Variants in SKAP2 observed in about 807,000 individuals in gnomAD.
SKAP2 encodes the protein src kinase associated phosphoprotein 2.
A neutral mutation model predicts 54.9 loss-of-function variants in SKAP2; 28 were observed. That is an observed-to-expected ratio of 0.51 (90% CI 0.38 to 0.70). The LOEUF (loss-of-function observed/expected upper bound fraction) is 0.70. Among genes scored for constraint, SKAP2 ranks in the 30% least tolerant of loss-of-function variants. SKAP2 has a pLI of 0.00. For missense variants in SKAP2, 356 were observed against 424.1 expected (o/e 0.84, Z 1.41); for synonymous variants, 137 against 134.3 (o/e 1.02, Z -0.14).
intron 6 of SKAP2, among the ~76,000 whole-genome samples, chr7:26,732,111 C>G (rs960333954): frequency 4.6e-5 from 7 of 152,166 alleles, no homozygotes; most frequent in African/African-American, 1.4e-4. Context: ...GCTTAGTTTT[C>G]CATCACAGAA....
chr7:26,713,700 C>T (rs181427612), intron 9 of SKAP2, among the ~76,000 whole-genome samples: 1,789 of 151,908 alleles, frequency 0.012, 36 homozygotes, highest in African/African-American at 0.04. Context: ...CCTGGGTTCA[C>T]ACCATTCTCC....
At chr7:26,717,287 G>A (rs1787467380) in intron 9 of SKAP2, among the ~76,000 whole-genome samples, 1 of 152,020 alleles carries the variant, frequency 6.6e-6, no homozygotes, top group Non-Finnish European at 1.5e-5. Flanking sequence ...GAAGTGGGCA[G>A]ATCGCTTGAA....
intron 4 of SKAP2, among the ~76,000 whole-genome samples, chr7:26,768,959 T>A (rs1242597170): frequency 6.6e-6 from 1 of 152,172 alleles, no homozygotes; most frequent in Non-Finnish European, 1.5e-5. Flanking sequence ...TCGAGGAGTA[T>A]CTTTGTGGTG....
At chr7:26,791,439 G>A (rs1053585304) in intron 4 of SKAP2, among the ~76,000 whole-genome samples, 3 of 151,916 alleles carry the variant, frequency 2.0e-5, no homozygotes, top group Non-Finnish European at 4.4e-5. Flanking sequence ...GCCTCCCAAA[G>A]TTCAGGGATT....
intron 4 of SKAP2, among the ~76,000 whole-genome samples, chr7:26,802,083 G>A (rs12532395): frequency 0.21 from 32,403 of 151,868 alleles, 3,538 homozygotes; most frequent in Non-Finnish European, 0.24. Flanking sequence ...TGGAGGAATC[G>A]CATATCTAAC....
chr7:26,777,570 ATTC>A (rs2127977167), intron 4 of SKAP2, among the ~76,000 whole-genome samples: 1 of 152,290 alleles, frequency 6.6e-6, no homozygotes, highest in Non-Finnish European at 1.5e-5. Context: ...TAGGCAGTGT[ATTC>A]TTCTGCTTAT....
chr7:26,731,287 C>G (rs1787820166), intron 6 of SKAP2, among the ~76,000 whole-genome samples: 1 of 152,166 alleles, frequency 6.6e-6, no homozygotes, highest in African/African-American at 2.4e-5. Flanking sequence ...GATTTTGATA[C>G]ACACTACAAC....
rs1044966032 is a variant in SKAP2 at position 26,669,226 on chromosome 7, G to A, written c.*440C>T. 4 of 151,956 alleles carry A rather than the reference G, an allele frequency of 2.6e-5. No individual in the cohort carries two copies. Among genetic ancestry groups the A allele is most frequent in the Non-Finnish European group, 2.9e-5 (2 of 67,986 alleles). 9.4% of individuals were successfully genotyped at this position (151,956 alleles called of 1,614,324 possible). ...CTTCAGCATCTACCAAAAAAAACTC[G>A]CATGATACACTAAATTTAAAATGCT... On this transcript the variant is annotated 3_prime_UTR_variant, in exon 13 of 13. Transcript: ENST00000345317.
At chr7:26,718,144 C>T (rs1408720435) in intron 9 of SKAP2, among the ~76,000 whole-genome samples, 3 of 151,910 alleles carry the variant, frequency 2.0e-5, no homozygotes, top group African/African-American at 7.2e-5. Context: ...GGGGGATTCC[C>T]AACACTTAGG....
chr7:26,823,327 G>C (rs1378831514), intron 4 of SKAP2, among the ~76,000 whole-genome samples: 2 of 150,586 alleles, frequency 1.3e-5, no homozygotes, highest in Non-Finnish European at 2.9e-5. Flanking sequence ...TCAGGAGGCT[G>C]AGGCACGAGA....
chr7:26,727,445 TA>T (rs1787732450), intron 6 of SKAP2, among the ~76,000 whole-genome samples: 1 of 152,020 alleles, frequency 6.6e-6, no homozygotes, highest in Admixed American at 6.6e-5. Context: ...AAGAAGCTTC[TA>T]AAACAAAAGT....
At chr7:26,820,498 G>C (rs1346141714) in intron 4 of SKAP2, among the ~76,000 whole-genome samples, 1 of 152,084 alleles carries the variant, frequency 6.6e-6, no homozygotes, top group Non-Finnish European at 1.5e-5. Context: ...TCCAGTTAAT[G>C]CTTCTCAGGA....
intron 10 of SKAP2, among the ~76,000 whole-genome samples, chr7:26,687,766 C>T (rs972861401): frequency 2.0e-5 from 3 of 151,994 alleles, no homozygotes; most frequent in Non-Finnish European, 4.4e-5. Context: ...CACTGTTCAC[C>T]CCTAAACACT....
chr7:26,858,856 G>T (rs1785226747), intron 1 of SKAP2, among the ~76,000 whole-genome samples: 1 of 152,064 alleles, frequency 6.6e-6, no homozygotes, highest in Non-Finnish European at 1.5e-5. Context: ...AAGCAGTTTG[G>T]CCACTTGTCC....
At chr7:26,856,137 T>C (rs1167817479) in intron 1 of SKAP2, among the ~76,000 whole-genome samples, 1 of 152,138 alleles carries the variant, frequency 6.6e-6, no homozygotes, top group Non-Finnish European at 1.5e-5. Flanking sequence ...TGTGTACAGG[T>C]AATTTTTCAC....
chr7:26,657,086 A>G, the SKAP2 span, among the ~76,000 whole-genome samples: 2 of 152,228 alleles, frequency 1.3e-5, no homozygotes, highest in African/African-American at 4.8e-5. Flanking sequence ...TAATAATCAT[A>G]AAGAAATACC....
intron 9 of SKAP2, among the ~76,000 whole-genome samples, chr7:26,713,253 C>T (rs1208230713): frequency 6.6e-6 from 1 of 152,188 alleles, no homozygotes; most frequent in Non-Finnish European, 1.5e-5. Context: ...TCTTCTTTAA[C>T]CATAGAATAC....
intron 9 of SKAP2, among the ~76,000 whole-genome samples, chr7:26,695,213 T>G (rs1786870162): frequency 6.6e-6 from 1 of 152,200 alleles, no homozygotes; most frequent in Non-Finnish European, 1.5e-5. Context: ...ATAATGTACT[T>G]TAAAACATAA....
At chr7:26,792,066 T>C (rs1488416487) in intron 4 of SKAP2, among the ~76,000 whole-genome samples, 1 of 152,222 alleles carries the variant, frequency 6.6e-6, no homozygotes, top group Non-Finnish European at 1.5e-5. Context: ...AAAAGCATCA[T>C]GCTAAGTATA....
Sources: allele counts gnomAD v4.1 joint callset (sites outside exome capture counted in the v4.1 genomes callset), GRCh38; gene constraint gnomAD v4.1.1; transcripts MANE v1.5; gene names NCBI Gene and HGNC (gene_info 2026-07-23, HGNC 2026-07-21).